RAB14: variants seen among roughly 807,000 people sequenced by gnomAD.
The protein encoded by RAB14 is RAB14, member RAS oncogene family.
RAB14 carries 3 observed loss-of-function variants against 31.1 expected under a neutral mutation model. The observed-to-expected ratio is 0.10, with a 90% CI of 0.04 to 0.25. RAB14 has a LOEUF of 0.25. RAB14 is among the 10% of genes least tolerant of loss of function. The probability of loss-of-function intolerance (pLI) is 1.00; values close to 1 mark genes in which losing one functional copy is unlikely to be tolerated. For synonymous variants in RAB14, 85 were observed against 84.9 expected, an observed-to-expected ratio of 1.00 and a Z score of 0.00; for missense variants, 111 against 260.1, an observed-to-expected ratio of 0.43 and a Z score of 3.94.
At chr9:121,193,312 G>C in intron 2 of RAB14, 49 bp downstream of exon 2, 2 of 1,240,336 alleles carry the variant, frequency 1.6e-6, no homozygotes, top group African/African-American at 1.5e-5. Context: ...TAAATATTTT[G>C]TATGTTAACC....
At position 121,180,618 on chromosome 9, in the gene RAB14, C is replaced by G. The variant is rs1052991344; in HGVS notation, c.*778G>C. 1 of 152,702 alleles carries G rather than the reference C, an allele frequency of 6.5e-6. No individual in the cohort carries two copies. Among genetic ancestry groups the G allele is most frequent in the Non-Finnish European group, 1.5e-5 (1 of 68,028 alleles). 9.5% of individuals were successfully genotyped at this position (152,702 alleles called of 1,614,324 possible). ...GTGAAATGGAAGGGAGTAACATGGT[C>G]ACATATAGGTCATACTGTACAAACT... is the stretch of plus-strand genomic sequence containing the variant. On this transcript the variant is annotated 3_prime_UTR_variant, in exon 8 of 8. Coordinates refer to ENST00000373840, the MANE Select transcript of RAB14 (RefSeq NM_016322.4).
At chr9:121,190,788 T>C (rs1564320572) in intron 3 of RAB14, 57 bp from the exon 4 acceptor site, 1 of 1,544,292 alleles carries the variant, frequency 6.5e-7, no homozygotes, top group Non-Finnish European at 8.9e-7. Flanking sequence ...AAATTAAGCC[T>C]AGAGGGGGAA....
intron 4 of RAB14, among the ~76,000 whole-genome samples, chr9:121,188,125 C>CA (rs1455001955): frequency 6.6e-6 from 1 of 151,792 alleles, no homozygotes; most frequent in Admixed American, 6.6e-5. Context: ...ACTTAGATGT[C>CA]AAAAAAGTCA....
chr9:121,201,078 C>A (rs969260958), intron 1 of RAB14, among the ~76,000 whole-genome samples: 2 of 152,198 alleles, frequency 1.3e-5, no homozygotes, highest in African/African-American at 2.4e-5. Flanking sequence ...CGGCCCGGCC[C>A]GGCTGCAGGG....
intron 4 of RAB14, among the ~76,000 whole-genome samples, chr9:121,190,260 T>C (rs1274711886): frequency 6.6e-6 from 1 of 152,118 alleles, no homozygotes; most frequent in Non-Finnish European, 1.5e-5. Context: ...ACATTTTATA[T>C]AAAATATTAT....
Position 121,201,291 on chromosome 9 carries a change from G to A in RAB14, c.-8+348C>T, listed in dbSNP as rs369247807. On this transcript the variant is annotated intron_variant, in intron 1 of 7. Transcript: ENST00000373840. ...CGGCCGCGGGGAACAGCGGCGAGAG[G>A]GGGGCCCGCGGGAGATGCGGTCCTG... 1.6e-3 allele frequency among the ~76,000 whole-genome samples: 245 copies of A among 152,234 alleles called. 1 individual carries two copies. Among genetic ancestry groups the A allele is most frequent in the Middle Eastern group, 3.4e-3 (1 of 292 alleles).
At chr9:121,194,778 T>C (rs7036980) in intron 1 of RAB14, among the ~76,000 whole-genome samples, 91,690 of 151,988 alleles carry the variant, frequency 0.6, 28,413 homozygotes, top group East Asian at 0.93. Flanking sequence ...TATAACAACA[T>C]TGAACCCGTA....
intron 7 of RAB14, among the ~76,000 whole-genome samples, 196 bp downstream of exon 7, chr9:121,182,734 A>G (rs2053639890): frequency 6.6e-6 from 1 of 152,244 alleles, no homozygotes; most frequent in Non-Finnish European, 1.5e-5. Flanking sequence ...ACAATCTTTT[A>G]AGTAACAAAA....
intron 3 of RAB14, 131 bp from the exon 4 acceptor site, chr9:121,190,862 C>T: frequency 1.2e-6 from 1 of 832,840 alleles, no homozygotes; most frequent in Non-Finnish European, 1.8e-6. Context: ...AAAGCTACCG[C>T]TAAAAAAAAA....
At chr9:121,181,872 C>T (rs895478859) in intron 7 of RAB14, among the ~76,000 whole-genome samples, 5 of 151,312 alleles carry the variant, frequency 3.3e-5, no homozygotes, top group African/African-American at 1.2e-4. Flanking sequence ...TTCAGCCTCC[C>T]GAGTAGCTGG....
intron 3 of RAB14, among the ~76,000 whole-genome samples, chr9:121,191,574 T>C (rs990374076): frequency 3.1e-4 from 47 of 152,162 alleles, no homozygotes; most frequent in Non-Finnish European, 5.3e-4. Context: ...TTATTAGTCC[T>C]TTCCTTATAA....
At chr9:121,187,064 GAAAA>G (rs748240673) in intron 4 of RAB14, 45 bp from the exon 5 acceptor site, 1 of 1,193,114 alleles carries the variant, frequency 8.4e-7, no homozygotes, top group African/African-American at 1.6e-5. Flanking sequence ...TATAATTATA[GAAAA>G]AAAACTTAAA....
chr9:121,190,809 A>G lies in RAB14; in HGVS notation c.107-78T>C. 2.9e-6 allele frequency: 4 copies of G among 1,397,354 alleles called. No homozygotes were observed. The South Asian group carries it at 5.0e-5, about 18-fold the overall frequency. The allele number at this position is 1,397,354 out of a possible 1,614,324, so 86.6% of individuals were successfully genotyped here. A position where few individuals can be genotyped will look rare whatever the true frequency, so the allele number is the denominator to read the frequency against. On this transcript the variant is annotated intron_variant, in intron 3 of 7. Transcript: ENST00000373840. The stretch of plus-strand genomic sequence containing the variant: ...AGCCTAGAGGGGGAAAATCCACTAA[A>G]TAAGCAAATGGCTTACTAATACTTA...
At position 121,181,418 on chromosome 9, in the gene RAB14, T is replaced by C. The variant is rs1474331960; in HGVS notation, c.626A>G (p.Gln209Arg). ...GGRLTSEPQP[Q>R]REGCGC ...TCACTAGCAGCCACAGCCTTCTCTCTGGGGTTGGGGTTCACTGGTTAGCCG... is the reference window on the plus strand; with the variant it reads ...TCACTAGCAGCCACAGCCTTCTCTCCGGGGTTGGGGTTCACTGGTTAGCCG... Residue 209 changes from glutamine to arginine, a missense_variant, in exon 8 of 8, where the codon CAG becomes CGG. Coordinates refer to ENST00000373840, the MANE Select transcript of RAB14 (RefSeq NM_016322.4). 6.2e-7 allele frequency: 1 copy of C among 1,604,628 alleles called. No homozygotes were observed. The highest frequency in any genetic ancestry group is 8.5e-7 in the Non-Finnish European group (1 of 1,173,062).
chr9:121,201,083 G>T (rs983593725), intron 1 of RAB14, among the ~76,000 whole-genome samples: 1 of 152,058 alleles, frequency 6.6e-6, no homozygotes, highest in Non-Finnish European at 1.5e-5. Context: ...CGGCCCGGCT[G>T]CAGGGCCGGG....
chr9:121,186,959 T>A lies in RAB14; in HGVS notation c.345A>T (p.Pro115=). The A allele has an allele frequency of 6.4e-7, 1 of 1,552,092 alleles. No homozygotes were observed. Among genetic ancestry groups the A allele is most frequent in the South Asian group, 1.2e-5 (1 of 80,138 alleles). ...WLTDARNLTN[P]NTVIILIGNK... ...AAGATGCCATTTAACTTACAGTATT[T>A]GGATTGGTGAGATTCCTTGCATCTG... Residue 115 remains proline, a synonymous_variant, in exon 5 of 8, where the codon CCA becomes CCT. Transcript: ENST00000373840.
chr9:121,201,000 G>T (rs1052187936), intron 1 of RAB14, among the ~76,000 whole-genome samples: 1 of 152,162 alleles, frequency 6.6e-6, no homozygotes, highest in Non-Finnish European at 1.5e-5. Flanking sequence ...GGCTGTCCAC[G>T]GGCCTCACAG....
rs182267965 is a variant in RAB14 at position 121,201,164 on chromosome 9, C to A, written c.-8+475G>T. On this transcript the variant is annotated intron_variant, in intron 1 of 7. Coordinates refer to ENST00000373840, the MANE Select transcript of RAB14 (RefSeq NM_016322.4). ...AGGGCTGCGAAGAGCTGCCTTTGTA[C>A]TCAGAGCCAGACGCGGCCTACGGGA... Among the ~76,000 whole-genome samples the A allele has an allele frequency of 2.5e-3, 383 of 152,276 alleles. 1 individual carries two copies. Among genetic ancestry groups the A allele is most frequent in the African/African-American group, 8.7e-3 (360 of 41,576 alleles).
At chr9:121,197,872 A>G (rs2132030061) in intron 1 of RAB14, among the ~76,000 whole-genome samples, 1 of 152,336 alleles carries the variant, frequency 6.6e-6, no homozygotes, top group African/African-American at 2.4e-5. Flanking sequence ...AAATGACTGA[A>G]TAAAGTACAT....
Sources: allele counts gnomAD v4.1 joint callset (sites outside exome capture counted in the v4.1 genomes callset), GRCh38; gene constraint gnomAD v4.1.1; transcripts MANE v1.5; gene names NCBI Gene and HGNC (gene_info 2026-07-23, HGNC 2026-07-21).